CD36: variants seen among roughly 807,000 people sequenced by gnomAD.
CD36 encodes platelet glycoprotein 4.
Under a neutral mutation model 55.2 loss-of-function variants are expected in CD36, and 119 were observed. The observed-to-expected ratio is 2.15, with a 90% CI of 1.86 to 2.51. CD36 has a LOEUF of 2.51. CD36 is among the 30% of genes most tolerant of loss of function. CD36 has a pLI of 0.00. For synonymous variants in CD36, 186 were observed against 193.6 expected (o/e 0.96, Z 0.33); for missense variants, 819 against 555.5 (o/e 1.47, Z -4.77).
At chr7:80,660,626 C>A (rs895987155) in intron 4 of CD36, among the ~76,000 whole-genome samples, 3 of 152,188 alleles carry the variant, frequency 2.0e-5, no homozygotes, top group Admixed American at 6.5e-5. Flanking sequence ...CAACCACACT[C>A]AAATATCTGC....
intron 11 of CD36, 114 bp downstream of exon 11, chr7:80,672,154 A>G: frequency 1.1e-6 from 1 of 900,746 alleles, no homozygotes; most frequent in Non-Finnish European, 1.7e-6. Flanking sequence ...TTATTGAATC[A>G]CATTCTTGAA....
intron 3 of CD36, among the ~76,000 whole-genome samples, chr7:80,649,131 C>T (rs893131236): frequency 6.6e-6 from 1 of 152,036 alleles, no homozygotes; most frequent in East Asian, 1.9e-4. Flanking sequence ...TAAGAGTTTC[C>T]TATATACTAG....
At chr7:80,673,691 T>G (rs983704248) in intron 13 of CD36, 12 of 559,024 alleles carry the variant, frequency 2.1e-5, no homozygotes, top group Middle Eastern at 4.7e-4. Flanking sequence ...ATCCATGCAT[T>G]GATAGCTATA....
intron 1 of CD36, among the ~76,000 whole-genome samples, chr7:80,628,297 T>C (rs1448486279): frequency 1.3e-5 from 2 of 152,026 alleles, no homozygotes. Context: ...TGATTCCTGG[T>C]AATATGTTAT....
At position 80,664,497 on chromosome 7, in the gene CD36, G is replaced by GGTAA. The variant is rs3211907; in HGVS notation, c.701+4_701+7dup. ...ATAATCGACACATATAAAGGTAAAAGGTAAGTATTCTGGTAAAATGTGCAT... is the reference window on the plus strand; with the variant it reads ...ATAATCGACACATATAAAGGTAAAAGGTAAGTAAGTATTCTGGTAAAATGTGCAT... On this transcript the variant is annotated stop_gained and frameshift_variant and splice_region_variant. Coordinates refer to ENST00000447544, the MANE Select transcript of CD36 (RefSeq NM_001001548.3). LOFTEE classifies it high-confidence loss of function. 2.7e-3 allele frequency: 3,961 copies of GGTAA among 1,494,072 alleles called. 94 individuals are homozygous for GGTAA. In the African/African-American group the frequency reaches 0.046, roughly 17 times the overall value. 92.6% of individuals were successfully genotyped at this position (1,494,072 alleles called of 1,614,324 possible). A position where few individuals can be genotyped will look rare whatever the true frequency, so the allele number is the denominator to read the frequency against.
chr7:80,626,560 CAATT>C (rs913767678), intron 1 of CD36, among the ~76,000 whole-genome samples: 7 of 151,884 alleles, frequency 4.6e-5, no homozygotes, highest in African/African-American at 1.7e-4. Context: ...TACTTCTATC[CAATT>C]AATAGATAAA....
intron 1 of CD36, among the ~76,000 whole-genome samples, chr7:80,622,641 A>G (rs1301789008): frequency 6.6e-6 from 1 of 152,232 alleles, no homozygotes; most frequent in Non-Finnish European, 1.5e-5. Context: ...CTGCAGTGAG[A>G]AAATAAGAAA....
chr7:80,674,107 T>G lies in CD36; in HGVS notation c.1379T>G (p.Met460Arg). ...SVGVVMFVAF[M>R]ISYCACRSKT... ...GGTGTGGTGATGTTTGTTGCTTTTA[T>G]GATTTCATATTGTGCATGCAGATCG... The change falls in exon 14 of 15, where the codon ATG becomes AGG. Residue 460 changes from methionine to arginine, a missense_variant. Physicochemically the swap from Met to Arg is moderately conservative, Grantham distance 91. Transcript: ENST00000447544. The G allele has an allele frequency of 6.2e-7, 1 of 1,612,586 alleles. No individual in the cohort carries two copies. Among genetic ancestry groups the G allele is most frequent in the South Asian group, 1.1e-5 (1 of 91,008 alleles).
At chr7:80,647,202 G>A in intron 3 of CD36, 1 of 278,320 alleles carries the variant, frequency 3.6e-6, no homozygotes, top group Non-Finnish European at 7.1e-6. Context: ...AGTATATTTT[G>A]TAAAAGCACA....
rs1206222491 is a variant in CD36 at position 80,678,341 on chromosome 7, C to T, written c.*1958C>T. 1 of 152,038 alleles carries T rather than the reference C, an allele frequency of 6.6e-6. No homozygotes were observed. The highest frequency in any genetic ancestry group is 1.5e-5 in the Non-Finnish European group (1 of 68,034). 9.4% of individuals were successfully genotyped at this position (152,038 alleles called of 1,614,324 possible). A position where few individuals can be genotyped will look rare whatever the true frequency, so the allele number is the denominator to read the frequency against. On this transcript the variant is annotated 3_prime_UTR_variant, in exon 15 of 15. Transcript: ENST00000447544. ...TAACCACAGAATTATAGCAGGTATT[C>T]ATAACTTAAGTTTGAAAATCAATAG...
At chr7:80,664,328 T>C (rs1004781736) in intron 6 of CD36, 78 bp from the exon 7 acceptor site, 1 of 790,810 alleles carries the variant, frequency 1.3e-6, no homozygotes, top group Admixed American at 1.8e-5. Context: ...GATTGAGAAA[T>C]GTGAAAGTGA....
At chr7:80,627,305 G>A (rs891817453) in intron 1 of CD36, among the ~76,000 whole-genome samples, 14 of 152,008 alleles carry the variant, frequency 9.2e-5, no homozygotes, top group Non-Finnish European at 2.1e-4. Context: ...TGTGGTTGAC[G>A]ATATGTCTCA....
chr7:80,654,219 A>G (rs1301797186), intron 3 of CD36, among the ~76,000 whole-genome samples: 1 of 152,220 alleles, frequency 6.6e-6, no homozygotes, highest in African/African-American at 2.4e-5. Context: ...AAGGCATTCA[A>G]TCCTGTCAAG....
intron 1 of CD36, chr7:80,623,889 T>C (rs1454519068): frequency 1.3e-5 from 2 of 152,216 alleles, no homozygotes; most frequent in East Asian, 3.9e-4. Context: ...TGTTTCTTTT[T>C]TTAAAGGAAG....
intron 8 of CD36, among the ~76,000 whole-genome samples, chr7:80,668,352 G>A (rs1797320126): frequency 6.6e-6 from 1 of 152,154 alleles, no homozygotes; most frequent in African/African-American, 2.4e-5. Context: ...GAGGGAATTT[G>A]GACAGAGCAG....
chr7:80,670,775 A>G, intron 9 of CD36: 1 of 569,408 alleles, frequency 1.8e-6, no homozygotes, highest in Non-Finnish European at 3.1e-6. Flanking sequence ...TAAACATGGT[A>G]CTTCACAAAC....
chr7:80,661,431 C>T lies in CD36; in HGVS notation c.429+221C>T, dbSNP rs549663700. 5.3e-5 allele frequency among the ~76,000 whole-genome samples: 8 copies of T among 151,906 alleles called. No individual in the cohort carries two copies. In the East Asian group the frequency reaches 5.8e-4, roughly 11 times the overall value. ...CTTTATTTTTTTCATTATTTTTTGT[C>T]GAAACATTCTCTATATTTAATTTCA... On this transcript the variant is annotated intron_variant, in intron 5 of 14. Transcript: ENST00000447544.
chr7:80,646,362 G>A (rs947188111), intron 2 of CD36, 181 bp downstream of exon 2: 1 of 290,644 alleles, frequency 3.4e-6, no homozygotes, highest in African/African-American at 2.2e-5. Flanking sequence ...AGATGAGGGT[G>A]AGAGTTCTCC....
chr7:80,672,886 T>TACTA (rs746506907), intron 12 of CD36, 43 bp downstream of exon 12: 430 of 1,225,812 alleles, frequency 3.5e-4, no homozygotes, highest in Middle Eastern at 6.5e-4. Flanking sequence ...ATCTGTAGTA[T>TACTA]CGTAGTATCT....
Sources: gnomAD v4.1 joint callset for allele counts (sites outside exome capture counted in the v4.1 genomes callset) on GRCh38, gnomAD v4.1.1 for gene constraint, MANE v1.5 for transcripts, NCBI Gene and HGNC (gene_info 2026-07-23, HGNC 2026-07-21) for gene names.